RPH3A: variants seen among roughly 807,000 people sequenced by gnomAD.
RPH3A encodes rabphilin-3A.
RPH3A carries 48 observed loss-of-function variants against 102.2 expected under a neutral mutation model. The ratio of observed to expected loss-of-function variants is 0.47; its 90% CI spans 0.37 to 0.60. RPH3A has a LOEUF of 0.60. RPH3A is among the 20% of genes least tolerant of loss of function. The probability of loss-of-function intolerance (pLI) is 0.00; values close to 1 mark genes in which losing one functional copy is unlikely to be tolerated. For synonymous variants in RPH3A, 310 were observed against 324.3 expected (o/e 0.96, Z 0.47); for missense variants, 781 against 910.1 (o/e 0.86, Z 1.83).
At position 112,691,273 on chromosome 12, in the gene RPH3A, A is replaced by C. The variant is rs895566739; in HGVS notation, c.-139-100870A>C. Among the ~76,000 whole-genome samples the C allele has an allele frequency of 8.5e-5, 13 of 152,060 alleles. 1 individual carries two copies. The highest frequency in any genetic ancestry group is 7.2e-4 in the Admixed American group (11 of 15,270). ...GTGATCCGCCCGCCTCGGCCTCCCA[A>C]AGTGCTGGGATTACAGGCGTGAGCC... On this transcript the variant is annotated intron_variant, in intron 1 of 21. Coordinates refer to the RPH3A transcript ENST00000543106.
At chr12:112,702,718 G>C (rs2040403187) in intron 1 of RPH3A, among the ~76,000 whole-genome samples, 1 of 152,242 alleles carries the variant, frequency 6.6e-6, no homozygotes, top group Admixed American at 6.5e-5. Flanking sequence ...TAAACTCTCT[G>C]CAAGGAGCCC....
At chr12:112,824,368 CTA>C (rs1438712139) in intron 2 of RPH3A, among the ~76,000 whole-genome samples, 3 of 152,162 alleles carry the variant, frequency 2.0e-5, no homozygotes, top group Non-Finnish European at 4.4e-5. Flanking sequence ...AATGGTGCTG[CTA>C]TGAGCCCTTA....
chr12:112,671,476 G>GC (rs1445229212), intron 1 of RPH3A, among the ~76,000 whole-genome samples: 1 of 152,134 alleles, frequency 6.6e-6, no homozygotes, highest in Non-Finnish European at 1.5e-5. Flanking sequence ...TAAAATAACT[G>GC]CCCCAGAAAT....
chr12:112,739,236 A>G (rs2136053625), intron 1 of RPH3A, among the ~76,000 whole-genome samples: 1 of 152,294 alleles, frequency 6.6e-6, no homozygotes, highest in South Asian at 2.1e-4. Flanking sequence ...TAGGTTACAT[A>G]ATGTTGTTGA....
Position 112,897,145 on chromosome 12 carries a change from T to TACACACAC in RPH3A, c.*388_*395dup, listed in dbSNP as rs10563429. 3.7e-3 allele frequency: 678 copies of TACACACAC among 183,688 alleles called. 6 individuals are homozygous for TACACACAC. Among genetic ancestry groups the TACACACAC allele is most frequent in the African/African-American group, 0.015 (645 of 42,110 alleles). 11.4% of individuals were successfully genotyped at this position (183,688 alleles called of 1,614,324 possible). A position where few individuals can be genotyped will look rare whatever the true frequency, so the allele number is the denominator to read the frequency against. On this transcript the variant is annotated 3_prime_UTR_variant, in exon 22 of 22. Transcript: ENST00000389385. The stretch of plus-strand genomic sequence containing the variant: ...CCTCCTAGCCTTGAACACACACATG[T>TACACACAC]ACACACACACACACACACACACACA...
At chr12:112,626,667 T>G (rs1345994241) in intron 1 of RPH3A, among the ~76,000 whole-genome samples, 2 of 136,310 alleles carry the variant, frequency 1.5e-5, no homozygotes, top group Non-Finnish European at 3.2e-5. Context: ...CTCAGGGATC[T>G]AGAACTAGAA....
chr12:112,752,490 A>G (rs2040791285), intron 1 of RPH3A, among the ~76,000 whole-genome samples: 1 of 151,876 alleles, frequency 6.6e-6, no homozygotes, highest in Non-Finnish European at 1.5e-5. Context: ...GCTAATACGT[A>G]TCTCTTGTAT....
At chr12:112,668,961 A>T (rs1181166014) in intron 1 of RPH3A, among the ~76,000 whole-genome samples, 1 of 152,160 alleles carries the variant, frequency 6.6e-6, no homozygotes, top group East Asian at 1.9e-4. Flanking sequence ...ACATGCAGAC[A>T]TTTGTCTCCC....
intron 1 of RPH3A, among the ~76,000 whole-genome samples, chr12:112,750,160 T>A (rs1004489767): frequency 6.6e-6 from 1 of 152,182 alleles, no homozygotes; most frequent in African/African-American, 2.4e-5. Flanking sequence ...TGCAATTTTA[T>A]CTTTGTAGAA....
At chr12:112,750,307 C>G (rs114623095) in intron 1 of RPH3A, among the ~76,000 whole-genome samples, 2,397 of 152,148 alleles carry the variant, frequency 0.016, 59 homozygotes, top group African/African-American at 0.055. Flanking sequence ...GGAATGTGGT[C>G]CCAGGAAACA....
chr12:112,855,569 C>G lies in RPH3A; in HGVS notation c.230+7727C>G, dbSNP rs368834124. 2.4e-4 allele frequency among the ~76,000 whole-genome samples: 37 copies of G among 152,258 alleles called. 1 individual carries two copies. Among genetic ancestry groups the G allele is most frequent in the South Asian group, 1.9e-3 (9 of 4,810 alleles). Reference sequence around the variant, plus strand: ...GAGACAGATTGAGATCTAGGGCTCCCCAGGTGGTGACAGTAACAAACAACA... The same window carrying G: ...GAGACAGATTGAGATCTAGGGCTCCGCAGGTGGTGACAGTAACAAACAACA... On this transcript the variant is annotated intron_variant, in intron 5 of 21. Transcript: ENST00000389385.
chr12:112,644,667 G>T (rs1044458253), intron 1 of RPH3A, among the ~76,000 whole-genome samples: 24 of 152,218 alleles, frequency 1.6e-4, no homozygotes, highest in African/African-American at 5.8e-4. Flanking sequence ...TCATTCTTTT[G>T]ATCTCTTGAA....
At chr12:112,774,163 G>T (rs1350870682) in intron 1 of RPH3A, among the ~76,000 whole-genome samples, 5 of 151,978 alleles carry the variant, frequency 3.3e-5, no homozygotes, top group African/African-American at 1.2e-4. Context: ...GCCATGCTGT[G>T]CAATAATAAT....
intron 1 of RPH3A, among the ~76,000 whole-genome samples, chr12:112,746,734 T>C (rs2040749387): frequency 1.3e-5 from 2 of 152,190 alleles, no homozygotes; most frequent in Admixed American, 6.5e-5. Flanking sequence ...GGCCCTGCTC[T>C]CTGTCTCTGT....
chr12:112,827,312 G>A (rs2041894391), intron 2 of RPH3A, among the ~76,000 whole-genome samples: 1 of 152,094 alleles, frequency 6.6e-6, no homozygotes, highest in South Asian at 2.1e-4. Flanking sequence ...AAAATATATG[G>A]TGTTTTGTGT....
intron 1 of RPH3A, among the ~76,000 whole-genome samples, chr12:112,678,194 C>T (rs999972910): frequency 2.7e-5 from 4 of 146,480 alleles, no homozygotes; most frequent in African/African-American, 5.1e-5. Context: ...AAGACCCTGT[C>T]GAAAGAAAGC....
intron 5 of RPH3A, among the ~76,000 whole-genome samples, chr12:112,862,899 G>T (rs778879683): frequency 1.2e-4 from 19 of 152,208 alleles, no homozygotes; most frequent in Admixed American, 2.0e-4. Context: ...CCCTCTGGGC[G>T]CTGTGACGCC....
chr12:112,854,686 C>T (rs768919489), intron 5 of RPH3A, among the ~76,000 whole-genome samples: 2 of 152,200 alleles, frequency 1.3e-5, no homozygotes, highest in East Asian at 3.8e-4. Context: ...TTCGTTTAAT[C>T]CTCATAATGT....
At chr12:112,587,900 G>A (rs988051886) in intron 1 of RPH3A, among the ~76,000 whole-genome samples, 3 of 152,082 alleles carry the variant, frequency 2.0e-5, no homozygotes, top group Non-Finnish European at 2.9e-5. Context: ...GTGAGCCCTC[G>A]GTGAATGTTG....
Sources: gnomAD v4.1 joint callset for allele counts (sites outside exome capture counted in the v4.1 genomes callset) on GRCh38, gnomAD v4.1.1 for gene constraint, MANE v1.5 for transcripts, NCBI Gene and HGNC (gene_info 2026-07-23, HGNC 2026-07-21) for gene names.